C11orf24: variants seen among roughly 807,000 people sequenced by gnomAD.
The protein encoded by C11orf24 is uncharacterized protein C11orf24.
In C11orf24, 5 loss-of-function variants were observed where a neutral mutation model predicts 7.3. That is an observed-to-expected ratio of 0.69 (90% CI 0.36 to 1.45). The LOEUF (loss-of-function observed/expected upper bound fraction) is 1.45. Ranked by LOEUF, C11orf24 falls within the 40% of genes most tolerant of loss-of-function variation. The pLI is 0.03. For missense variants in C11orf24, 566 were observed against 590.5 expected (o/e 0.96, Z 0.43); for synonymous variants, 233 against 235.7 (o/e 0.99, Z 0.11).
chr11:68,269,610 A>G (rs747081347), intron 1 of C11orf24, among the ~76,000 whole-genome samples: 1 of 152,258 alleles, frequency 6.6e-6, no homozygotes, highest in South Asian at 2.1e-4. Flanking sequence ...ACATGCACAC[A>G]TGCCACCACA....
chr11:68,262,205 G>C lies in C11orf24; in HGVS notation c.790C>G (p.Gln264Glu), dbSNP rs748638089. The C allele has an allele frequency of 6.2e-7, 1 of 1,613,110 alleles. No homozygotes were observed. Among genetic ancestry groups the C allele is most frequent in the Non-Finnish European group, 8.5e-7 (1 of 1,179,280 alleles). ...QGPISQVSVD[Q>E]PVVNTTNKST... is the part of the protein sequence containing the mutation. ...TTATTTGTTGTGTTAACCACAGGCT[G>C]GTCCACTGACACCTGGCTAATGGGA... Residue 264 changes from glutamine (Q) to glutamate (E), a missense_variant, in exon 4 of 4, where the codon CAG (glutamine) becomes GAG (glutamate). Physicochemically the swap from Gln to Glu is conservative, Grantham distance 29. Transcript: ENST00000304271.
chr11:68,262,142 C>T lies in C11orf24; in HGVS notation c.853G>A (p.Ala285Thr), dbSNP rs543093269. Reference protein sequence around the residue: ...PMPSNTTPEPAPTPTVVTTTK... With the variant: ...PMPSNTTPEPTPTPTVVTTTK... ...GTGGTCACCACTGTGGGGGTGGGGG[C>T]GGGCTCTGGGGTTGTGTTTGAGGGC... The change falls in exon 4 of 4, where the codon GCC becomes ACC. Residue 285 changes from alanine to threonine, a missense_variant. Coordinates refer to ENST00000304271, the MANE Select transcript of C11orf24 (RefSeq NM_022338.4). The T allele has an allele frequency of 1.3e-5, 20 of 1,582,898 alleles. No homozygotes were observed. The highest frequency in any genetic ancestry group is 1.7e-4 in the Middle Eastern group (1 of 5,998).
intron 1 of C11orf24, among the ~76,000 whole-genome samples, chr11:68,271,255 T>C (rs1004846102): frequency 2.6e-5 from 4 of 152,154 alleles, no homozygotes; most frequent in African/African-American, 9.7e-5. Context: ...GGAGGCCGAT[T>C]CCTCCTATCA....
rs770834362 is a variant in C11orf24 at position 68,262,629 on chromosome 11, C to T, written c.366G>A (p.Ala122=). 1.4e-5 allele frequency: 22 copies of T among 1,612,548 alleles called. No homozygotes were observed. Among genetic ancestry groups the T allele is most frequent in the South Asian group, 1.0e-4 (9 of 90,054 alleles). The change falls in exon 4 of 4, where the codon GCG becomes GCA. Residue 122 remains alanine, a synonymous_variant. Transcript: ENST00000304271. The stretch of plus-strand genomic sequence containing the variant: ...TGGAGGCCACAGTCATACTGGAGGC[C>T]GCAGTCGTAATGGAGGCCGCAGTCG... The part of the protein sequence containing the change: ...SSTTAASITT[A]ASSMTVASSA...
intron 2 of C11orf24, among the ~76,000 whole-genome samples, chr11:68,265,876 G>A (rs1234006931): frequency 1.3e-5 from 2 of 152,224 alleles, no homozygotes; most frequent in Non-Finnish European, 2.9e-5. Context: ...CCAGCACTTA[G>A]CAGCCCACAG....
chr11:68,261,935 CT>C lies in C11orf24; in HGVS notation c.1059del (p.Gly354ValfsTer44). On this transcript the variant is annotated frameshift_variant, in exon 4 of 4. Coordinates refer to ENST00000304271, the MANE Select transcript of C11orf24 (RefSeq NM_022338.4). LOFTEE classifies it low-confidence loss of function (END_TRUNC). ...GGTGTTGGCCCAGTGGAATCAGTAC[CT>C]GGTGTGGCTTCAGTCTCTACCTGCT... ...APEQVETEAT[P>X]GTDSTGPTPR... 6.2e-7 allele frequency: 1 copy of C among 1,613,902 alleles called. No individual in the cohort carries two copies. Among genetic ancestry groups the C allele is most frequent in the South Asian group, 1.1e-5 (1 of 91,084 alleles).
At position 68,263,676 on chromosome 11, in the gene C11orf24, C is replaced by A. The variant is rs1254570905; in HGVS notation, c.76+16G>T. The A allele has an allele frequency of 6.2e-7, 1 of 1,612,256 alleles. No homozygotes were observed. Among genetic ancestry groups the A allele is most frequent in the South Asian group, 1.1e-5 (1 of 91,006 alleles). On this transcript the variant is annotated intron_variant, in intron 3 of 3. Transcript: ENST00000304271. ...ACCGTGGGCCCATCCAGCAGTCACA[C>A]AGCTTTCTCACTTACGTGGATCGTT...
At chr11:68,263,666 A>G in intron 3 of C11orf24, 26 bp downstream of exon 3, 1 of 1,607,616 alleles carries the variant, frequency 6.2e-7, no homozygotes, top group East Asian at 2.2e-5. Context: ...GGGCCCATCC[A>G]GCAGTCACAC....
At chr11:68,264,918 G>A (rs2098564262) in intron 2 of C11orf24, among the ~76,000 whole-genome samples, 1 of 151,814 alleles carries the variant, frequency 6.6e-6, no homozygotes, top group South Asian at 2.1e-4. Context: ...GAGACAGTAT[G>A]CGGGCAGGCC....
At chr11:68,269,469 T>C (rs1025491138) in intron 1 of C11orf24, among the ~76,000 whole-genome samples, 2 of 152,190 alleles carry the variant, frequency 1.3e-5, no homozygotes, top group African/African-American at 4.8e-5. Context: ...AGGTTATCAG[T>C]AGGTGGTGAT....
Position 68,261,574 on chromosome 11 carries a change from T to G in C11orf24, c.*71A>C. The G allele has an allele frequency of 1.4e-6, 2 of 1,398,784 alleles. No homozygotes were observed. Among genetic ancestry groups the G allele is most frequent in the Non-Finnish European group, 1.9e-6 (2 of 1,026,232 alleles). 86.6% of individuals were successfully genotyped at this position (1,398,784 alleles called of 1,614,324 possible). A position where few individuals can be genotyped will look rare whatever the true frequency, so the allele number is the denominator to read the frequency against. ...TTGCACCAAAAGAATTTGGAAGCAC[T>G]TGGTTTGGTCTCAAAGGCAAAAGGA... On this transcript the variant is annotated 3_prime_UTR_variant, in exon 4 of 4. Transcript: ENST00000304271.
rs1209771671 is a variant in C11orf24 at position 68,263,144 on chromosome 11, C to T, written c.77-226G>A. The T allele has an allele frequency of 8.7e-6, 5 of 577,944 alleles. No individual in the cohort carries two copies. In the East Asian group the frequency reaches 1.4e-4, roughly 17 times the overall value. 35.8% of individuals were successfully genotyped at this position (577,944 alleles called of 1,614,324 possible). A position where few individuals can be genotyped will look rare whatever the true frequency, so the allele number is the denominator to read the frequency against. On this transcript the variant is annotated intron_variant, in intron 3 of 3. Coordinates refer to ENST00000304271, the MANE Select transcript of C11orf24 (RefSeq NM_022338.4). ...CAATTTGATTTTAAAACTCCTTTGC[C>T]CTCTATGAACCCCCTGCCCATTGAA...
At chr11:68,266,760 G>A (rs2098565378) in intron 2 of C11orf24, among the ~76,000 whole-genome samples, 2 of 152,072 alleles carry the variant, frequency 1.3e-5, no homozygotes, top group African/African-American at 4.8e-5. Flanking sequence ...TATTTAAATG[G>A]CTCTCTCTTG....
At chr11:68,266,104 CAG>C (rs1390730336) in intron 2 of C11orf24, among the ~76,000 whole-genome samples, 1 of 152,236 alleles carries the variant, frequency 6.6e-6, no homozygotes, top group Non-Finnish European at 1.5e-5. Flanking sequence ...GCAGGACACA[CAG>C]AGGCCAACAG....
chr11:68,261,819 G>A lies in C11orf24; in HGVS notation c.1176C>T (p.Leu392=), dbSNP rs1428715305. ...GQYMVVTTEP[L]TQAVVDKTLL... is the part of the protein sequence containing the mutation. ...GAGTTTTGTCTACCACGGCCTGGGTGAGGGGCTCAGTGGTGACCACCATGT... is the reference window on the plus strand; with the variant it reads ...GAGTTTTGTCTACCACGGCCTGGGTAAGGGGCTCAGTGGTGACCACCATGT... Residue 392 remains leucine (L), a synonymous_variant, in exon 4 of 4, where the codon CTC becomes CTT. Coordinates refer to ENST00000304271, the MANE Select transcript of C11orf24 (RefSeq NM_022338.4). 2 of 1,614,220 alleles carry A rather than the reference G, an allele frequency of 1.2e-6. No homozygotes were observed. The highest frequency in any genetic ancestry group is 1.7e-5 in the Admixed American group (1 of 60,030).
In C11orf24 at chr11:68,268,716, A is replaced by G. The variant is rs567480163; in HGVS notation, c.-297-465T>C. On this transcript the variant is annotated intron_variant, in intron 1 of 3. Coordinates refer to ENST00000304271, the MANE Select transcript of C11orf24 (RefSeq NM_022338.4). The stretch of plus-strand genomic sequence containing the variant: ...TCAAAAAAACAAAACAAAAAACAAC[A>G]ACGACTTCCAATGCAGCAACTTCTA... 2.7e-4 allele frequency among the ~76,000 whole-genome samples: 41 copies of G among 152,222 alleles called. No homozygotes were observed. The South Asian group carries it at 8.1e-3, about 30-fold the overall frequency.
chr11:68,264,926 G>C (rs939026594), intron 2 of C11orf24, among the ~76,000 whole-genome samples: 2 of 151,790 alleles, frequency 1.3e-5, no homozygotes, highest in African/African-American at 4.8e-5. Flanking sequence ...ATGCGGGCAG[G>C]CCTTGAAGAG....
intron 1 of C11orf24, 176 bp from the exon 2 acceptor site, chr11:68,268,427 C>T: frequency 6.6e-6 from 1 of 152,300 alleles, no homozygotes; most frequent in East Asian, 1.9e-4. Flanking sequence ...TGCGGTGGCT[C>T]ACGCCTGTAA....
At chr11:68,263,448 TCAAATCTTGCAGGCCAAGCGAG>T (rs2098562974) in intron 3 of C11orf24, 2 of 534,852 alleles carry the variant, frequency 3.7e-6, no homozygotes, top group Non-Finnish European at 6.6e-6. Context: ...AGAGATGACA[TCAAATCTTGCAGGCCAAGCGAG>T]CAAACCTTTC....
Sources: allele counts gnomAD v4.1 joint callset (sites outside exome capture counted in the v4.1 genomes callset), GRCh38; gene constraint gnomAD v4.1.1; transcripts MANE v1.5; gene names NCBI Gene and HGNC (gene_info 2026-07-23, HGNC 2026-07-21).